The following PJA2 variants were observed in gnomAD, a reference collection of about 807,000 sequenced individuals.
PJA2 encodes the protein E3 ubiquitin-protein ligase Praja-2.
A neutral mutation model predicts 69.3 loss-of-function variants in PJA2; 25 were observed. The observed-to-expected ratio is 0.36, with a 90% confidence interval of 0.26 to 0.50. The LOEUF (loss-of-function observed/expected upper bound fraction) is 0.50. Among genes scored for constraint, PJA2 ranks in the 20% least tolerant of loss-of-function variants. The pLI is 0.96. For synonymous variants in PJA2, 308 were observed against 277.8 expected, an observed-to-expected ratio of 1.11 and a Z score of -1.08; for missense variants, 809 against 830.2, an observed-to-expected ratio of 0.97 and a Z score of 0.31.
Position 109,409,924 on chromosome 5 carries a change from T to C in PJA2, c.-170A>G. ...CGCCTTCTTCTCCGCCTCCAACTCC[T>C]CCCCCGCCGAACGCGAAGCGGCTGG... On this transcript the variant is annotated 5_prime_UTR_variant, in exon 1 of 10. Transcript: ENST00000361189. 5.2e-6 allele frequency: 1 copy of C among 193,716 alleles called. No homozygotes were observed. Among genetic ancestry groups the C allele is most frequent in the Non-Finnish European group, 1.0e-5 (1 of 97,764 alleles). The allele number at this position is 193,716 out of a possible 1,614,324, so 12.0% of individuals were successfully genotyped here.
intron 9 of PJA2, among the ~76,000 whole-genome samples, chr5:109,341,414 G>A (rs1452504944): frequency 3.5e-5 from 5 of 141,120 alleles, no homozygotes; most frequent in African/African-American, 1.1e-4. Flanking sequence ...CAACCACCCC[G>A]TCTGAGAAGT....
intron 1 of PJA2, among the ~76,000 whole-genome samples, chr5:109,407,973 T>C (rs1747728385): frequency 6.6e-6 from 1 of 152,162 alleles, no homozygotes; most frequent in Non-Finnish European, 1.5e-5. Flanking sequence ...GGATTTTTAG[T>C]TCAGTCTAAA....
At chr5:109,387,230 G>C (rs1170390993) in intron 1 of PJA2, among the ~76,000 whole-genome samples, 1 of 151,890 alleles carries the variant, frequency 6.6e-6, no homozygotes, top group Non-Finnish European at 1.5e-5. Flanking sequence ...AGTAGTTCTT[G>C]TGTTATGAAT....
chr5:109,398,735 C>T (rs952006108), intron 1 of PJA2, among the ~76,000 whole-genome samples: 2 of 151,668 alleles, frequency 1.3e-5, no homozygotes, highest in East Asian at 3.9e-4. Flanking sequence ...ATGTAACAAA[C>T]CTGCACATTG....
chr5:109,390,025 CAT>C (rs1261929041), intron 1 of PJA2, among the ~76,000 whole-genome samples: 3 of 151,752 alleles, frequency 2.0e-5, no homozygotes, highest in Non-Finnish European at 2.9e-5. Flanking sequence ...TATTTTTGCA[CAT>C]GTCCCATATG....
chr5:109,373,166 G>C (rs181200398), intron 4 of PJA2, among the ~76,000 whole-genome samples: 3 of 152,070 alleles, frequency 2.0e-5, no homozygotes, highest in African/African-American at 7.2e-5. Context: ...TGACAGAATA[G>C]AGACAGTGGG....
chr5:109,350,570 A>C (rs1762233913), intron 7 of PJA2, among the ~76,000 whole-genome samples: 1 of 152,252 alleles, frequency 6.6e-6, no homozygotes, highest in South Asian at 2.1e-4. Context: ...ATAAACCTAT[A>C]TGAATATACT....
intron 2 of PJA2, among the ~76,000 whole-genome samples, chr5:109,382,914 A>AT (rs1030228660): frequency 1.3e-5 from 2 of 152,206 alleles, no homozygotes; most frequent in African/African-American, 4.8e-5. Flanking sequence ...TTGTATTAAA[A>AT]TAAGAAATAT....
At chr5:109,365,311 A>G (rs933590212) in intron 5 of PJA2, among the ~76,000 whole-genome samples, 1 of 152,238 alleles carries the variant, frequency 6.6e-6, no homozygotes, top group African/African-American at 2.4e-5. Context: ...AGGTAGAACT[A>G]TGCAGACTTA....
intron 9 of PJA2, among the ~76,000 whole-genome samples, chr5:109,339,954 A>G (rs1275436377): frequency 1.3e-5 from 2 of 152,220 alleles, no homozygotes; most frequent in East Asian, 3.8e-4. Context: ...GAGAGCAAGG[A>G]AAGCAGTATT....
At chr5:109,404,700 T>G (rs146646667) in intron 1 of PJA2, among the ~76,000 whole-genome samples, 1 of 152,216 alleles carries the variant, frequency 6.6e-6, no homozygotes, top group Non-Finnish European at 1.5e-5. Context: ...ACCTCTTTTA[T>G]AAGCACACGA....
intron 4 of PJA2, among the ~76,000 whole-genome samples, chr5:109,372,579 T>C (rs1045867322): frequency 6.6e-5 from 10 of 152,136 alleles, no homozygotes; most frequent in Non-Finnish European, 8.8e-5. Context: ...AAAAGACAAA[T>C]GGATGTGGAA....
intron 1 of PJA2, among the ~76,000 whole-genome samples, chr5:109,392,560 CAA>C (rs11365525): frequency 5.5e-5 from 6 of 110,078 alleles, no homozygotes; most frequent in Non-Finnish European, 5.4e-5. Flanking sequence ...GACTCCATCT[CAA>C]AAAAAAAAAA....
At chr5:109,408,563 G>T (rs1747748317) in intron 1 of PJA2, among the ~76,000 whole-genome samples, 1 of 152,012 alleles carries the variant, frequency 6.6e-6, no homozygotes, top group South Asian at 2.1e-4. Context: ...ACGTGTACTT[G>T]TATGTGTCTA....
chr5:109,342,303 A>G (rs1290053670), intron 9 of PJA2, among the ~76,000 whole-genome samples: 9 of 107,114 alleles, frequency 8.4e-5, no homozygotes, highest in African/African-American at 3.3e-4. Context: ...CTGCCCGGCC[A>G]GCCGCCCTGT....
chr5:109,385,878 C>T (rs1561360291), intron 1 of PJA2, among the ~76,000 whole-genome samples: 2 of 152,130 alleles, frequency 1.3e-5, no homozygotes. Context: ...AGAAAATTCA[C>T]TTGTTTCCTA....
chr5:109,408,393 C>A (rs1582637439), intron 1 of PJA2, among the ~76,000 whole-genome samples: 1 of 151,996 alleles, frequency 6.6e-6, no homozygotes, highest in East Asian at 1.9e-4. Flanking sequence ...AAATTATAGC[C>A]CATTCAAACT....
chr5:109,406,039 C>CTTTT (rs1561368700), intron 1 of PJA2, among the ~76,000 whole-genome samples: 1 of 135,952 alleles, frequency 7.4e-6, no homozygotes, highest in African/African-American at 2.8e-5. Context: ...AAGACAAACC[C>CTTTT]ATTTTTTTTT....
intron 7 of PJA2, among the ~76,000 whole-genome samples, chr5:109,353,061 T>C (rs1193286199): frequency 6.9e-6 from 1 of 144,792 alleles, no homozygotes; most frequent in African/African-American, 2.5e-5. Context: ...TAGACATCTA[T>C]ATATTAGATA....
Sources: allele counts gnomAD v4.1 joint callset (sites outside exome capture counted in the v4.1 genomes callset), GRCh38; gene constraint gnomAD v4.1.1; transcripts MANE v1.5; gene names NCBI Gene and HGNC (gene_info 2026-07-23, HGNC 2026-07-21).